Variants in TENT5A observed in about 807,000 individuals in gnomAD.
TENT5A encodes terminal nucleotidyltransferase 5A, also known as HBV X-transactivated gene 11 protein.
TENT5A carries 9 observed loss-of-function variants against 30.2 expected under a neutral mutation model. The ratio of observed to expected loss-of-function variants is 0.30; its 90% CI spans 0.18 to 0.52. TENT5A has a LOEUF of 0.52. TENT5A is among the 20% of genes least tolerant of loss of function. TENT5A has a pLI of 0.97. For synonymous variants in TENT5A, 264 were observed against 234.2 expected (o/e 1.13, Z -1.16); for missense variants, 411 against 566.1 (o/e 0.73, Z 2.78).
Position 81,747,757 on chromosome 6 carries a change from A to G in TENT5A, c.*1938T>C, listed in dbSNP as rs2839871. The G allele has an allele frequency of 1.0e-3, 991 of 985,790 alleles. 8 individuals carry two copies. The African/African-American group carries it at 0.016, about 16-fold the overall frequency. The allele number at this position is 985,790 out of a possible 1,614,324, so 61.1% of individuals were successfully genotyped here. ...TTCACAACACAAAGGGAAGGTTCTT[A>G]TGTGTTAGTTTTGTTTTGTTTTTAA... On this transcript the variant is annotated 3_prime_UTR_variant, in exon 3 of 3. Transcript: ENST00000320172.
At chr6:81,751,257 C>T (rs1024337878) in intron 2 of TENT5A, among the ~76,000 whole-genome samples, 4 of 152,186 alleles carry the variant, frequency 2.6e-5, no homozygotes, top group African/African-American at 7.2e-5. Context: ...TTATTTACAT[C>T]ATTTCATTCT....
At chr6:81,752,233 G>A (rs1769061375) in intron 1 of TENT5A, 55 bp from the exon 2 acceptor site, 4 of 1,469,660 alleles carry the variant, frequency 2.7e-6, no homozygotes, top group Middle Eastern at 1.9e-4. Context: ...GAGAGCACGC[G>A]CGGCGGCGGA....
At position 81,752,657 on chromosome 6, in the gene TENT5A, G is replaced by A. The variant is rs746618423; in HGVS notation, c.-264C>T. 1.5e-4 allele frequency: 107 copies of A among 717,844 alleles called. No individual in the cohort carries two copies. The highest frequency in any genetic ancestry group is 2.3e-4 in the Middle Eastern group (1 of 4,384). 44.5% of individuals were successfully genotyped at this position (717,844 alleles called of 1,614,324 possible). ...GGCTCTTGCTGCCACACACGCTCGT[G>A]TCTCTGGAGCTTTAGCAGTTGTGCG... On this transcript the variant is annotated 5_prime_UTR_variant, in exon 1 of 3. Coordinates refer to ENST00000320172, the MANE Select transcript of TENT5A (RefSeq NM_017633.3).
Position 81,751,647 on chromosome 6 carries a change from C to T in TENT5A, c.495G>A (p.Leu165=). ...QTVKDVVLDC[L]LDFLPEGVNK... ...TCACCCCCTCGGGTAAGAAGTCCAACAGGCAGTCCAGCACGACGTCCTTCA... is the reference window on the plus strand; with the variant it reads ...TCACCCCCTCGGGTAAGAAGTCCAATAGGCAGTCCAGCACGACGTCCTTCA... The change falls in exon 2 of 3, where the codon CTG becomes CTA. Residue 165 remains leucine, a synonymous_variant. Transcript: ENST00000320172. 1 of 1,614,120 alleles carries T rather than the reference C, an allele frequency of 6.2e-7. No individual in the cohort carries two copies. The highest frequency in any genetic ancestry group is 8.5e-7 in the Non-Finnish European group (1 of 1,179,994).
In TENT5A at chr6:81,747,739, C is replaced by T; in HGVS notation, c.*1956G>A. ...TGGAGATTATGTGGTTGTTTCACAA[C>T]ACAAAGGGAAGGTTCTTATGTGTTA... is the stretch of plus-strand genomic sequence containing the variant. On this transcript the variant is annotated 3_prime_UTR_variant, in exon 3 of 3. Coordinates refer to ENST00000320172, the MANE Select transcript of TENT5A (RefSeq NM_017633.3). 1.0e-6 allele frequency: 1 copy of T among 985,836 alleles called. No homozygotes were observed. Among genetic ancestry groups the T allele is most frequent in the Non-Finnish European group, 1.2e-6 (1 of 829,928 alleles). 61.1% of individuals were successfully genotyped at this position (985,836 alleles called of 1,614,324 possible). A position where few individuals can be genotyped will look rare whatever the true frequency, so the allele number is the denominator to read the frequency against.
Position 81,751,704 on chromosome 6 carries a change from G to C in TENT5A, c.438C>G (p.Ala146=). Residue 146 remains alanine (A), a synonymous_variant, in exon 2 of 3, where the codon GCC becomes GCG. Transcript: ENST00000320172. ...GAAACTCCCCTTCCCCGCGCAGGTCGGCGCAGAAGATGAGGTCCAGGTCCT... is the reference window on the plus strand; with the variant it reads ...GAAACTCCCCTTCCCCGCGCAGGTCCGCGCAGAAGATGAGGTCCAGGTCCT... ...GYKDLDLIFC[A]DLRGEGEFQT... is the part of the protein sequence containing the mutation. The C allele has an allele frequency of 6.2e-7, 1 of 1,614,152 alleles. No individual in the cohort carries two copies. Among genetic ancestry groups the C allele is most frequent in the Non-Finnish European group, 8.5e-7 (1 of 1,180,026 alleles).
rs1562142620 is a variant in TENT5A at position 81,750,893 on chromosome 6, G to A, written c.553-422C>T. 6.6e-6 allele frequency among the ~76,000 whole-genome samples: 1 copy of A among 152,174 alleles called. No homozygotes were observed. Among genetic ancestry groups the A allele is most frequent in the Non-Finnish European group, 1.5e-5 (1 of 68,040 alleles). ...GTTCCAAGCCACCCAATTCCTCTCC[G>A]CCTGCGGCAATCAATGTTATCAGTA... On this transcript the variant is annotated intron_variant, in intron 2 of 2. Coordinates refer to ENST00000320172, the MANE Select transcript of TENT5A (RefSeq NM_017633.3). The surrounding 1 kb of genome is among the most constrained non-coding windows in gnomAD (Gnocchi z 4.2).
Position 81,748,520 on chromosome 6 carries a change from C to T in TENT5A, c.*1175G>A, listed in dbSNP as rs575480275. The stretch of plus-strand genomic sequence containing the variant: ...TTAATTCATCATTGCAATATGCCCA[C>T]GTCTCATGTTATCCTGTTGAAAACA... On this transcript the variant is annotated 3_prime_UTR_variant, in exon 3 of 3. Transcript: ENST00000320172. The T allele has an allele frequency of 1.1e-5, 11 of 981,846 alleles. No homozygotes were observed. Among genetic ancestry groups the T allele is most frequent in the Non-Finnish European group, 1.3e-5 (11 of 826,922 alleles). 60.8% of individuals were successfully genotyped at this position (981,846 alleles called of 1,614,324 possible). A position where few individuals can be genotyped will look rare whatever the true frequency, so the allele number is the denominator to read the frequency against.
rs1228124197 is a variant in TENT5A, at chr6:81,750,237, T to A, written c.787A>T (p.Ser263Cys). The change falls in exon 3 of 3, where the codon AGC becomes TGC. Residue 263 changes from serine to cysteine, a missense_variant. Ser to Cys is a moderately radical substitution (Grantham distance 112, BLOSUM62 -1). Around this residue, in one of 5 missense-constraint regions of TENT5A, gnomAD observed 135 missense variants for 240.0 expected, o/e 0.56. Transcript: ENST00000320172. This position sits in a 1 kb window ranked among gnomAD's most constrained non-coding sequence, Gnocchi z 4.2. ...ETFHPTIIGE[S>C]VYGDFQEAFD... ...GCTTCCTGGAAATCGCCATAGACGC[T>A]CTCCCCGATTATTGTGGGGTGAAAT... is the stretch of plus-strand genomic sequence containing the variant. The A allele has an allele frequency of 6.2e-7, 1 of 1,614,154 alleles. No homozygotes were observed.
chr6:81,746,683 GT>G lies in TENT5A; in HGVS notation c.*3011del, dbSNP rs1768893330. On this transcript the variant is annotated 3_prime_UTR_variant, in exon 3 of 3. Transcript: ENST00000320172. Reference sequence around the variant, plus strand: ...CTCCAAAAGACAAAACTTCTTCCTGGTTTAAAGAAACAGCACACTAGGCCAG... The same window carrying G: ...CTCCAAAAGACAAAACTTCTTCCTGGTTAAAGAAACAGCACACTAGGCCAG... 8.1e-7 allele frequency: 1 copy of G among 1,229,198 alleles called. No individual in the cohort carries two copies. Among genetic ancestry groups the G allele is most frequent in the African/African-American group, 1.6e-5 (1 of 64,340 alleles). 76.1% of individuals were successfully genotyped at this position (1,229,198 alleles called of 1,614,324 possible). A position where few individuals can be genotyped will look rare whatever the true frequency, so the allele number is the denominator to read the frequency against.
chr6:81,748,809 T>C lies in TENT5A; in HGVS notation c.*886A>G. 4.1e-6 allele frequency: 4 copies of C among 985,176 alleles called. No individual in the cohort carries two copies. The highest frequency in any genetic ancestry group is 4.8e-6 in the Non-Finnish European group (4 of 829,320). 61.0% of individuals were successfully genotyped at this position (985,176 alleles called of 1,614,324 possible). A position where few individuals can be genotyped will look rare whatever the true frequency, so the allele number is the denominator to read the frequency against. The stretch of plus-strand genomic sequence containing the variant: ...ATTTTCTTCTTGAGGCAGTCCCTGA[T>C]AAAATAAAATAATCATTAAACCATA... On this transcript the variant is annotated 3_prime_UTR_variant, in exon 3 of 3. Transcript: ENST00000320172.
Position 81,749,809 on chromosome 6 carries a change from G to C in TENT5A, c.1215C>G (p.Tyr405Ter). 1 of 1,614,064 alleles carries C rather than the reference G, an allele frequency of 6.2e-7. No individual in the cohort carries two copies. The highest frequency in any genetic ancestry group is 8.5e-7 in the Non-Finnish European group (1 of 1,180,010). Residue 405 changes from tyrosine (Y) to a stop codon, truncating the protein, a stop_gained, in exon 3 of 3, where the codon TAC (tyrosine) becomes TAG (stop). Coordinates refer to ENST00000320172, the MANE Select transcript of TENT5A (RefSeq NM_017633.3). LOFTEE classifies it high-confidence loss of function. ...CATCTGCTACATAGGGGGCTGGCTG[G>C]TAATAGCAAGTGACATTAGCCACAT... ...IPNVANVTCYYQPAPYVADAN... is the reference protein window; with the variant it reads ...IPNVANVTCY
Position 81,746,738 on chromosome 6 carries a change from C to A in TENT5A, c.*2957G>T. On this transcript the variant is annotated 3_prime_UTR_variant, in exon 3 of 3. Transcript: ENST00000320172. ...AACACAAAAGGAAACAAATCACAGG[C>A]GCTAATAGGGAGTCGGGAGCTGTTC... 1 of 1,223,424 alleles carries A rather than the reference C, an allele frequency of 8.2e-7. No homozygotes were observed. Among genetic ancestry groups the A allele is most frequent in the East Asian group, 3.2e-5 (1 of 31,250 alleles). 75.8% of individuals were successfully genotyped at this position (1,223,424 alleles called of 1,614,324 possible). A position where few individuals can be genotyped will look rare whatever the true frequency, so the allele number is the denominator to read the frequency against.
chr6:81,749,596 C>A lies in TENT5A; in HGVS notation c.*99G>T. Reference sequence around the variant, plus strand: ...ATATCATCATTGCACAAAACACATCCCTAATAAGGGCTGGATCACTCTTTT... The same window carrying A: ...ATATCATCATTGCACAAAACACATCACTAATAAGGGCTGGATCACTCTTTT... On this transcript the variant is annotated 3_prime_UTR_variant, in exon 3 of 3. Transcript: ENST00000320172. 2.0e-6 allele frequency: 3 copies of A among 1,483,808 alleles called. No homozygotes were observed. Among genetic ancestry groups the A allele is most frequent in the South Asian group, 1.4e-5 (1 of 70,042 alleles). 91.9% of individuals were successfully genotyped at this position (1,483,808 alleles called of 1,614,324 possible). A position where few individuals can be genotyped will look rare whatever the true frequency, so the allele number is the denominator to read the frequency against.
chr6:81,745,959 T>C lies in TENT5A; in HGVS notation c.*3736A>G. The C allele has an allele frequency of 2.0e-6, 2 of 985,816 alleles. No homozygotes were observed. The highest frequency in any genetic ancestry group is 4.7e-5 in the South Asian group (1 of 21,286). The allele number at this position is 985,816 out of a possible 1,614,324, so 61.1% of individuals were successfully genotyped here. ...GAACACCTCAAAGCAGGCATGATTG[T>C]AGAGAGGTTGGAGGGAGAGACAGCC... is the stretch of plus-strand genomic sequence containing the variant. On this transcript the variant is annotated 3_prime_UTR_variant, in exon 3 of 3. Transcript: ENST00000320172.
Position 81,748,786 on chromosome 6 carries a change from TTTC to T in TENT5A, c.*906_*908del. 3.0e-6 allele frequency: 3 copies of T among 985,692 alleles called. No individual in the cohort carries two copies. The highest frequency in any genetic ancestry group is 3.6e-6 in the Non-Finnish European group (3 of 829,798). 61.1% of individuals were successfully genotyped at this position (985,692 alleles called of 1,614,324 possible). The stretch of plus-strand genomic sequence containing the variant: ...TCCACCATTCACAAGCTTATGTTAT[TTTC>T]TTCTTGAGGCAGTCCCTGATAAAAT... On this transcript the variant is annotated 3_prime_UTR_variant, in exon 3 of 3. Coordinates refer to ENST00000320172, the MANE Select transcript of TENT5A (RefSeq NM_017633.3).
In TENT5A at chr6:81,751,658, G is replaced by A. The variant is rs1769036928; in HGVS notation, c.484C>T (p.Leu162=). The A allele has an allele frequency of 1.9e-6, 3 of 1,614,156 alleles. No individual in the cohort carries two copies. The highest frequency in any genetic ancestry group is 1.3e-5 in the African/African-American group (1 of 75,040). ...GGTAAGAAGTCCAACAGGCAGTCCA[G>A]CACGACGTCCTTCACAGTCTGAAAC... is the stretch of plus-strand genomic sequence containing the variant. ...GEFQTVKDVV[L]DCLLDFLPEG... The change falls in exon 2 of 3, where the codon CTG becomes TTG. Residue 162 remains leucine, a synonymous_variant. Coordinates refer to ENST00000320172, the MANE Select transcript of TENT5A (RefSeq NM_017633.3).
Position 81,750,108 on chromosome 6 carries a change from G to A in TENT5A, c.916C>T (p.Pro306Ser), listed in dbSNP as rs369760386. The change falls in exon 3 of 3, where the codon CCC (proline) becomes TCC (serine). Residue 306 changes from proline (P) to serine (S), a missense_variant. By Grantham distance (74) the Pro-to-Ser change is moderately conservative. Around this residue, in one of 5 missense-constraint regions of TENT5A, gnomAD observed 135 missense variants for 240.0 expected, o/e 0.56. Coordinates refer to ENST00000320172, the MANE Select transcript of TENT5A (RefSeq NM_017633.3). This position sits in a 1 kb window ranked among gnomAD's most constrained non-coding sequence, Gnocchi z 4.2. Reference sequence around the variant, plus strand: ...AGGGTCTTGATTTCATCAGAGGCGGGCCTAAAGCCCCTCACCAAGAGGTTG... The same window carrying A: ...AGGGTCTTGATTTCATCAGAGGCGGACCTAAAGCCCCTCACCAAGAGGTTG... ...YCNLLVRGFR[P>S]ASDEIKTLQR... 1.2e-6 allele frequency: 2 copies of A among 1,613,652 alleles called. No individual in the cohort carries two copies. The highest frequency in any genetic ancestry group is 2.7e-5 in the African/African-American group (2 of 74,990).
In TENT5A at chr6:81,749,402, T is replaced by C; in HGVS notation, c.*293A>G. 8.7e-7 allele frequency: 1 copy of C among 1,147,070 alleles called. No homozygotes were observed. The highest frequency in any genetic ancestry group is 3.9e-5 in the South Asian group (1 of 25,360). 71.1% of individuals were successfully genotyped at this position (1,147,070 alleles called of 1,614,324 possible). A position where few individuals can be genotyped will look rare whatever the true frequency, so the allele number is the denominator to read the frequency against. ...ACCCATATTGTCATCACACATTTCT[T>C]CTCTTGTATCAGGAGAACCTGGTTG... On this transcript the variant is annotated 3_prime_UTR_variant, in exon 3 of 3. Coordinates refer to ENST00000320172, the MANE Select transcript of TENT5A (RefSeq NM_017633.3).
Sources: allele counts gnomAD v4.1 joint callset (sites outside exome capture counted in the v4.1 genomes callset), GRCh38; gene constraint gnomAD v4.1.1; regional missense constraint gnomAD v4.1.1; non-coding constraint Gnocchi (gnomAD v3.1); transcripts MANE v1.5; gene names NCBI Gene and HGNC (gene_info 2026-07-23, HGNC 2026-07-21).